Variants in PACS2 observed in about 807,000 individuals in gnomAD.
PACS2 encodes phosphofurin acidic cluster sorting protein 2, also known as PACS1-like protein.
In PACS2, 36 loss-of-function variants were observed where a neutral mutation model predicts 113.0. The observed-to-expected ratio is 0.32, with a 90% confidence interval of 0.24 to 0.42. The LOEUF is 0.42. Ranked by LOEUF, PACS2 falls within the 10% of genes least tolerant of loss-of-function variation. The pLI is 1.00. For synonymous variants in PACS2, 589 were observed against 536.1 expected, an observed-to-expected ratio of 1.10 and a Z score of -1.36; for missense variants, 1,015 against 1,239.5, an observed-to-expected ratio of 0.82 and a Z score of 2.72.
chr14:105,351,603 C>T (rs181323250), intron 2 of PACS2, among the ~76,000 whole-genome samples: 3 of 152,230 alleles, frequency 2.0e-5, no homozygotes, highest in Admixed American at 6.5e-5. Flanking sequence ...TGTGGGAGGC[C>T]GAGGAGGGTG....
intron 22 of PACS2, 74 bp downstream of exon 22, chr14:105,391,840 C>T (rs1259347829): frequency 3.5e-6 from 5 of 1,418,380 alleles, no homozygotes; most frequent in Admixed American, 2.5e-5. Flanking sequence ...GTCATCCTCC[C>T]CTATGTCACA....
intron 2 of PACS2, among the ~76,000 whole-genome samples, chr14:105,351,967 G>GTCTCTCAAA (rs1239733621): frequency 6.6e-6 from 1 of 152,238 alleles, no homozygotes; most frequent in African/African-American, 2.4e-5. Context: ...AGTCCAGCCT[G>GTCTCTCAAA]AGCAACACAG....
At chr14:105,301,720 C>G (rs587624456) in intron 1 of PACS2, among the ~76,000 whole-genome samples, 1 of 152,364 alleles carries the variant, frequency 6.6e-6, no homozygotes, top group East Asian at 1.9e-4. Flanking sequence ...TGTGGTTACC[C>G]GTGAGTCACC....
In PACS2 at chr14:105,381,280, G is replaced by A. The variant is rs181728826; in HGVS notation, c.1268+181G>A. Among the ~76,000 whole-genome samples the A allele has an allele frequency of 5.3e-5, 8 of 152,304 alleles. No homozygotes were observed. In the East Asian group the frequency reaches 1.5e-3, roughly 29 times the overall value. On this transcript the variant is annotated intron_variant, in intron 12 of 24. Transcript: ENST00000447393. The stretch of plus-strand genomic sequence containing the variant: ...GAAGCAAACCCCCTGGCCCGGCATT[G>A]GGTGTCAAGCCTGCAGCCCCAGATT...
Position 105,366,942 on chromosome 14 carries a change from T to A in PACS2, c.424-271T>A, listed in dbSNP as rs2060961854. 6.6e-6 allele frequency among the ~76,000 whole-genome samples: 1 copy of A among 152,164 alleles called. No individual in the cohort carries two copies. Among genetic ancestry groups the A allele is most frequent in the Non-Finnish European group, 1.5e-5 (1 of 68,024 alleles). On this transcript the variant is annotated intron_variant, in intron 4 of 24. Transcript: ENST00000447393. The surrounding 1 kb of genome is among the most constrained non-coding windows in gnomAD (Gnocchi z 4.3). Reference sequence around the variant, plus strand: ...CACTGGCCTCTCCAGCACAGCCCAGTGCCCTCTGCTTATGGCCCGTTCGTG... The same window carrying A: ...CACTGGCCTCTCCAGCACAGCCCAGAGCCCTCTGCTTATGGCCCGTTCGTG...
intron 1 of PACS2, among the ~76,000 whole-genome samples, chr14:105,319,795 CT>C (rs1002571214): frequency 1.1e-3 from 173 of 152,276 alleles, no homozygotes; most frequent in Non-Finnish European, 1.5e-3. Context: ...ACGATGTTTG[CT>C]GCAACTTTTT....
Position 105,352,365 on chromosome 14 carries a change from T to G in PACS2, c.208-13T>G. ...CAGTCCTTTGAGCTAGAACAGGTCT[T>G]GCTTAATCACAGGGCTCCAAACGAA... On this transcript the variant is annotated splice_polypyrimidine_tract_variant and intron_variant, in intron 2 of 24. Transcript: ENST00000447393. The G allele has an allele frequency of 1.3e-6, 2 of 1,580,126 alleles. No individual in the cohort carries two copies. Among genetic ancestry groups the G allele is most frequent in the South Asian group, 1.1e-5 (1 of 90,442 alleles).
chr14:105,331,645 C>T (rs1169489807), intron 1 of PACS2, among the ~76,000 whole-genome samples: 1 of 152,174 alleles, frequency 6.6e-6, no homozygotes, highest in African/African-American at 2.4e-5. Context: ...TACTGATTTG[C>T]TTAAAATGTG....
In PACS2 at chr14:105,315,200, G is replaced by T. The variant is rs1264385612; in HGVS notation, c.119+163G>T. 1 of 257,662 alleles carries T rather than the reference G, an allele frequency of 3.9e-6. No homozygotes were observed. The highest frequency in any genetic ancestry group is 6.3e-6 in the Non-Finnish European group (1 of 159,590). The allele number at this position is 257,662 out of a possible 1,614,324, so 16.0% of individuals were successfully genotyped here. On this transcript the variant is annotated intron_variant, in intron 1 of 24. Transcript: ENST00000447393. This position sits in a 1 kb window ranked among gnomAD's most constrained non-coding sequence, Gnocchi z 4.4. ...CGACGCGTGCAGCCGCCGCCCCCCCGCAGCTCCGGCAAGCGCGGCCCCAGC... is the reference window on the plus strand; with the variant it reads ...CGACGCGTGCAGCCGCCGCCCCCCCTCAGCTCCGGCAAGCGCGGCCCCAGC...
intron 1 of PACS2, among the ~76,000 whole-genome samples, chr14:105,320,198 G>A (rs1401159191): frequency 3.9e-5 from 6 of 151,956 alleles, no homozygotes; most frequent in Non-Finnish European, 7.4e-5. Context: ...GGAGGGTCTC[G>A]ATCTCCTGAC....
At position 105,329,412 on chromosome 14, in the gene PACS2, C is replaced by G. The variant is rs2059221924; in HGVS notation, c.119+14375C>G. ...TGGAACCAGGACCAGCCTGCTGTCA[C>G]CTGCCTGCTGCTCCTGCCCCACCAG... On this transcript the variant is annotated intron_variant, in intron 1 of 24. Coordinates refer to ENST00000447393, the MANE Select transcript of PACS2 (RefSeq NM_001100913.3). The surrounding 1 kb of genome is among the most constrained non-coding windows in gnomAD (Gnocchi z 6.4). 1.3e-5 allele frequency among the ~76,000 whole-genome samples: 2 copies of G among 152,066 alleles called. No individual in the cohort carries two copies. Among genetic ancestry groups the G allele is most frequent in the Non-Finnish European group, 2.9e-5 (2 of 68,034 alleles).
At chr14:105,342,289 A>G (rs2059760927) in intron 1 of PACS2, among the ~76,000 whole-genome samples, 1 of 151,692 alleles carries the variant, frequency 6.6e-6, no homozygotes, top group Non-Finnish European at 1.5e-5. Context: ...TGAGAGAGAG[A>G]GAGACAGGGT....
chr14:105,352,420 C>A lies in PACS2; in HGVS notation c.250C>A (p.Pro84Thr). 1 of 1,613,118 alleles carries A rather than the reference C, an allele frequency of 6.2e-7. No homozygotes were observed. Among genetic ancestry groups the A allele is most frequent in the Admixed American group, 1.7e-5 (1 of 59,996 alleles). ...ILRSHEIVLPPSGQVETDLAL... is the reference protein window; with the variant it reads ...ILRSHEIVLPTSGQVETDLAL... Reference sequence around the variant, plus strand: ...GCGGTCCCATGAGATTGTGCTGCCCCCCAGTGGACAAGTGGAGACAGACCT... The same window carrying A: ...GCGGTCCCATGAGATTGTGCTGCCCACCAGTGGACAAGTGGAGACAGACCT... The change falls in exon 3 of 25, where the codon CCC becomes ACC. Residue 84 changes from proline (P) to threonine (T), a missense_variant. Physicochemically the swap from Pro to Thr is conservative, Grantham distance 38. Around this residue, in one of 3 missense-constraint regions of PACS2, gnomAD observed 140 missense variants for 135.1 expected, o/e 1.04. Coordinates refer to ENST00000447393, the MANE Select transcript of PACS2 (RefSeq NM_001100913.3).
intron 8 of PACS2, among the ~76,000 whole-genome samples, chr14:105,375,189 T>C (rs587734830): frequency 2.0e-5 from 3 of 151,810 alleles, no homozygotes; most frequent in Non-Finnish European, 4.4e-5. Context: ...AATTAAAAAA[T>C]GGGCAGGGGG....
At chr14:105,331,080 G>A (rs1251096659) in intron 1 of PACS2, among the ~76,000 whole-genome samples, 3 of 151,756 alleles carry the variant, frequency 2.0e-5, no homozygotes, top group Non-Finnish European at 2.9e-5. Flanking sequence ...TCAGCCTCCC[G>A]AGTAGCTGGG....
intron 4 of PACS2, among the ~76,000 whole-genome samples, chr14:105,362,416 C>CAAAA (rs1157752286): frequency 2.9e-5 from 2 of 68,142 alleles, no homozygotes; most frequent in African/African-American, 1.3e-4. Context: ...GACTCCGTCT[C>CAAAA]AAAAAAAAAA....
intron 8 of PACS2, chr14:105,370,286 T>G (rs1595725165): frequency 3.0e-5 from 1 of 32,896 alleles, no homozygotes; most frequent in Admixed American, 5.0e-4. Flanking sequence ...AGCCCCCCAC[T>G]ATTGACATGG....
In PACS2 at chr14:105,392,860, G is replaced by A; in HGVS notation, c.2482+15G>A. 4 of 1,569,104 alleles carry A rather than the reference G, an allele frequency of 2.5e-6. No homozygotes were observed. Among genetic ancestry groups the A allele is most frequent in the Non-Finnish European group, 3.5e-6 (4 of 1,152,250 alleles). On this transcript the variant is annotated intron_variant, in intron 23 of 24. Transcript: ENST00000447393. ...GAACAAGAAGGGTGAGGTGGGGCAG[G>A]CTATAAGGCCACACGGCGCAGAAGG... is the stretch of plus-strand genomic sequence containing the variant.
chr14:105,391,828 C>G (rs2081369022), intron 22 of PACS2, 62 bp downstream of exon 22: 1 of 1,479,556 alleles, frequency 6.8e-7, no homozygotes, highest in Non-Finnish European at 9.1e-7. Context: ...CTGCCTGATT[C>G]AGTCATCCTC....
Sources: allele counts gnomAD v4.1 joint callset (sites outside exome capture counted in the v4.1 genomes callset), GRCh38; gene constraint gnomAD v4.1.1; regional missense constraint gnomAD v4.1.1; non-coding constraint Gnocchi (gnomAD v3.1); transcripts MANE v1.5; gene names NCBI Gene and HGNC (gene_info 2026-07-23, HGNC 2026-07-21).